REXO4: variants seen among roughly 807,000 people sequenced by gnomAD.
The protein encoded by REXO4 is REX4 homolog, 3'-5' exonuclease.
A neutral mutation model predicts 39.9 loss-of-function variants in REXO4; 29 were observed. The observed-to-expected ratio is 0.73, with a 90% confidence interval of 0.54 to 0.99. The LOEUF (loss-of-function observed/expected upper bound fraction) is 0.99, where lower values mean the gene tolerates loss of function less well. Ranked by LOEUF, REXO4 falls within the 50% of genes least tolerant of loss-of-function variation. REXO4 has a pLI of 0.00. For synonymous variants in REXO4, 184 were observed against 206.2 expected (o/e 0.89, Z 0.92); for missense variants, 524 against 546.5 (o/e 0.96, Z 0.41).
intron 7 of REXO4, among the ~76,000 whole-genome samples, chr9:133,407,394 G>GGGGCACAA (rs1450700841): frequency 1.3e-5 from 2 of 152,146 alleles, no homozygotes; most frequent in Admixed American, 1.3e-4. Flanking sequence ...GCTGGGCACA[G>GGGGCACAA]GGGCACAAGG....
Position 133,412,764 on chromosome 9 carries a change from T to C in REXO4, c.716+14A>G, listed in dbSNP as rs372058321. The C allele has an allele frequency of 1.8e-5, 29 of 1,608,494 alleles. No homozygotes were observed. In the African/African-American group the frequency reaches 3.2e-4, roughly 18 times the overall value. ...AGCATCCCCAGCAGACCCCACTCCC[T>C]GAGACCAGCGTACCCGCCGAAGGCC... On this transcript the variant is annotated intron_variant, in intron 3 of 7. Transcript: ENST00000371942.
In REXO4 at chr9:133,406,343, C is replaced by T. The variant is rs1373544871; in HGVS notation, c.*610G>A. ...TCACCGTGCCCAGGCAACACATCCTCGTGCTATGGGGAGAAGCCTCTGCTG... is the reference window on the plus strand; with the variant it reads ...TCACCGTGCCCAGGCAACACATCCTTGTGCTATGGGGAGAAGCCTCTGCTG... On this transcript the variant is annotated 3_prime_UTR_variant, in exon 8 of 8. Transcript: ENST00000371942. The T allele has an allele frequency of 2.0e-5, 3 of 152,854 alleles. No homozygotes were observed. The highest frequency in any genetic ancestry group is 4.4e-5 in the Non-Finnish European group (3 of 68,420). 9.5% of individuals were successfully genotyped at this position (152,854 alleles called of 1,614,324 possible).
Position 133,414,668 on chromosome 9 carries a change from G to A in REXO4, c.569C>T (p.Thr190Ile), listed in dbSNP as rs1295155781. 1 of 1,613,604 alleles carries A rather than the reference G, an allele frequency of 6.2e-7. No individual in the cohort carries two copies. The highest frequency in any genetic ancestry group is 8.5e-7 in the Non-Finnish European group (1 of 1,179,674). The change falls in exon 2 of 8, where the codon ACC becomes ATC. Residue 190 changes from threonine to isoleucine, a missense_variant. Thr to Ile is a moderately conservative substitution (Grantham distance 89). Transcript: ENST00000371942. Reference protein sequence around the residue: ...KAKEAAPAPPTEEDIWFDDVD... With the variant: ...KAKEAAPAPPIEEDIWFDDVD... ...TGGTGAGGTGGCCCATACTTACTCG[G>A]TGGGTGGGGCTGGGGCTGCCTCCTT...
chr9:133,417,958 A>G lies in REXO4; in HGVS notation c.-114T>C. 1.0e-6 allele frequency: 1 copy of G among 965,588 alleles called. No individual in the cohort carries two copies. Among genetic ancestry groups the G allele is most frequent in the Middle Eastern group, 3.3e-4 (1 of 3,024 alleles). The allele number at this position is 965,588 out of a possible 1,614,324, so 59.8% of individuals were successfully genotyped here. On this transcript the variant is annotated 5_prime_UTR_variant, in exon 1 of 8. Coordinates refer to ENST00000371942, the MANE Select transcript of REXO4 (RefSeq NM_020385.4). The stretch of plus-strand genomic sequence containing the variant: ...GGCCAGGCCGAAACACACCCACCGC[A>G]GGGACCCCGTCCAGGAAAAGACTCC...
At chr9:133,414,567 T>G in intron 2 of REXO4, 98 bp downstream of exon 2, 1 of 1,020,502 alleles carries the variant, frequency 9.8e-7, no homozygotes, top group South Asian at 1.3e-5. Flanking sequence ...GGTAAAGTGA[T>G]GGAGAGACTG....
At position 133,417,776 on chromosome 9, in the gene REXO4, G is replaced by C. The variant is rs781988842; in HGVS notation, c.69C>G (p.Val23=). 8.1e-6 allele frequency: 13 copies of C among 1,611,354 alleles called. No individual in the cohort carries two copies. Among genetic ancestry groups the C allele is most frequent in the South Asian group, 4.4e-5 (4 of 91,078 alleles). ...TGTTTTTCTTCCGAGTGAGCGTCTT[G>C]ACAGGACCCGGCTTAGCCACGGGGC... ...PSSPVAKPGP[V]KTLTRKKNKK... is the part of the protein sequence containing the mutation. Residue 23 remains valine, a synonymous_variant, in exon 1 of 8, where the codon GTC becomes GTG. Transcript: ENST00000371942.
chr9:133,414,413 G>A (rs1383161030), intron 2 of REXO4: 8 of 675,276 alleles, frequency 1.2e-5, no homozygotes, highest in Non-Finnish European at 1.9e-5. Flanking sequence ...GCTTCAGCAC[G>A]CTTTCCTTCC....
Position 133,417,366 on chromosome 9 carries a change from T to G in REXO4, c.225+254A>C, listed in dbSNP as rs115822076. Among the ~76,000 whole-genome samples the G allele has an allele frequency of 9.9e-3, 1,503 of 152,384 alleles. 21 individuals carry two copies. The highest frequency in any genetic ancestry group is 0.034 in the African/African-American group (1,426 of 41,596). ...TTCTCTTTGTAAAATCCATTCTAGT[T>G]AGTTCATTATGCAAAAGGTACAAGG... On this transcript the variant is annotated intron_variant, in intron 1 of 7. Transcript: ENST00000371942.
At chr9:133,411,200 G>A (rs587690320) in intron 4 of REXO4, 127 bp from the exon 5 acceptor site, 35 of 765,816 alleles carry the variant, frequency 4.6e-5, no homozygotes, top group East Asian at 8.0e-5. Context: ...ATGCCACTAC[G>A]GAGGGTGACT....
chr9:133,412,824 C>T lies in REXO4; in HGVS notation c.670G>A (p.Glu224Lys), dbSNP rs782112282. 13 of 1,613,848 alleles carry T rather than the reference C, an allele frequency of 8.1e-6. No individual in the cohort carries two copies. The highest frequency in any genetic ancestry group is 1.7e-5 in the Admixed American group (1 of 60,000). ...KIARKQLGQSEGSVSLSLVKE... is the reference protein window; with the variant it reads ...KIARKQLGQSKGSVSLSLVKE... ...ACGAGGCTGAGGCTGACGCTGCCCT[C>T]GCTCTGACCCAACTGTTTCCTCGCT... The change falls in exon 3 of 8, where the codon GAG (glutamate) becomes AAG (lysine). Residue 224 changes from glutamate to lysine, a missense_variant. Glu to Lys is a moderately conservative substitution (Grantham distance 56). Transcript: ENST00000371942.
intron 2 of REXO4, among the ~76,000 whole-genome samples, chr9:133,414,107 G>A (rs782139518): frequency 9.2e-5 from 14 of 152,134 alleles, no homozygotes; most frequent in East Asian, 1.9e-4. Flanking sequence ...GTCTTGCTCC[G>A]TCACCCAGGC....
chr9:133,412,042 C>T (rs939235342), intron 4 of REXO4, among the ~76,000 whole-genome samples: 2 of 152,060 alleles, frequency 1.3e-5, no homozygotes, highest in Non-Finnish European at 2.9e-5. Flanking sequence ...GCTGGGACTA[C>T]AGGCATGAGC....
At chr9:133,410,241 C>A (rs184303991) in intron 5 of REXO4, among the ~76,000 whole-genome samples, 1 of 152,324 alleles carries the variant, frequency 6.6e-6, no homozygotes, top group Non-Finnish European at 1.5e-5. Context: ...AGTGTCTCTC[C>A]CATCTAGCAG....
intron 5 of REXO4, among the ~76,000 whole-genome samples, 175 bp from the exon 6 acceptor site, chr9:133,409,017 A>C (rs1839079691): frequency 7.0e-6 from 1 of 142,106 alleles, no homozygotes; most frequent in Non-Finnish European, 1.5e-5. Context: ...CCAGGCTGGA[A>C]TGCAGTGGCT....
intron 4 of REXO4, among the ~76,000 whole-genome samples, chr9:133,412,058 T>C (rs1172660500): frequency 6.6e-6 from 1 of 152,078 alleles, no homozygotes; most frequent in Non-Finnish European, 1.5e-5. Context: ...TGAGCCACCG[T>C]GCCCAGCTAC....
rs1554782150 is a variant in REXO4 at position 133,417,996 on chromosome 9, G to C, written c.-152C>G. The C allele has an allele frequency of 1.5e-6, 1 of 685,094 alleles. No homozygotes were observed. Among genetic ancestry groups the C allele is most frequent in the East Asian group, 2.7e-5 (1 of 36,660 alleles). 42.4% of individuals were successfully genotyped at this position (685,094 alleles called of 1,614,324 possible). A position where few individuals can be genotyped will look rare whatever the true frequency, so the allele number is the denominator to read the frequency against. On this transcript the variant is annotated 5_prime_UTR_variant, in exon 1 of 8. Transcript: ENST00000371942. Reference sequence around the variant, plus strand: ...AGGAAAAGACTCCGGAAGAGACCCCGCACGCGTTGCGCATACCTCAGCACG... The same window carrying C: ...AGGAAAAGACTCCGGAAGAGACCCCCCACGCGTTGCGCATACCTCAGCACG...
intron 2 of REXO4, chr9:133,414,312 A>T: frequency 2.1e-6 from 1 of 477,270 alleles, no homozygotes; most frequent in Non-Finnish European, 4.1e-6. Flanking sequence ...TGCCACCATG[A>T]CTACCACAAG....
At chr9:133,418,033 C>T, upstream of REXO4, 2 of 595,472 alleles carry the variant, frequency 3.4e-6, no homozygotes, top group South Asian at 2.1e-5. Flanking sequence ...ACGCTCCAGT[C>T]CCCGGAAGCG....
rs782223452 is a variant in REXO4, at chr9:133,417,774, T to G, written c.71A>C (p.Lys24Thr). The G allele has an allele frequency of 3.3e-5, 53 of 1,611,646 alleles. No homozygotes were observed. The South Asian group carries it at 5.4e-4, about 16-fold the overall frequency. ...CTTGTTTTTCTTCCGAGTGAGCGTC[T>G]TGACAGGACCCGGCTTAGCCACGGG... ...SSPVAKPGPVKTLTRKKNKKK... is the reference protein window; with the variant it reads ...SSPVAKPGPVTTLTRKKNKKK... The change falls in exon 1 of 8, where the codon AAG (lysine) becomes ACG (threonine). Residue 24 changes from lysine to threonine, a missense_variant. Coordinates refer to ENST00000371942, the MANE Select transcript of REXO4 (RefSeq NM_020385.4).
Sources: gnomAD v4.1 joint callset for allele counts (sites outside exome capture counted in the v4.1 genomes callset) on GRCh38, gnomAD v4.1.1 for gene constraint, MANE v1.5 for transcripts, NCBI Gene and HGNC (gene_info 2026-07-23, HGNC 2026-07-21) for gene names.